The following PRR16 variants were observed in gnomAD, a reference collection of about 807,000 sequenced individuals.
The protein encoded by PRR16 is proline rich 16.
PRR16 carries 6 observed loss-of-function variants against 18.2 expected under a neutral mutation model. The observed-to-expected ratio is 0.33, with a 90% CI of 0.18 to 0.65. The LOEUF is 0.65. Among genes scored for constraint, PRR16 ranks in the 30% least tolerant of loss-of-function variants. The pLI, the probability that PRR16 is intolerant of heterozygous loss-of-function variation, is 0.74. For synonymous variants in PRR16, 151 were observed against 147.8 expected (o/e 1.02, Z -0.16); for missense variants, 412 against 376.6 (o/e 1.09, Z -0.78).
the PRR16 span, among the ~76,000 whole-genome samples, chr5:120,750,007 C>A: frequency 6.6e-6 from 1 of 152,030 alleles, no homozygotes; most frequent in African/African-American, 2.4e-5. Flanking sequence ...ATGTTTGAAG[C>A]CAGAAAAAAA....
intron 1 of PRR16, among the ~76,000 whole-genome samples, chr5:120,611,422 C>G (rs1754329076): frequency 2.6e-5 from 4 of 152,164 alleles, no homozygotes; most frequent in African/African-American, 9.7e-5. Flanking sequence ...CCTGCCATCA[C>G]AGGCCCAGAG....
At chr5:120,675,932 G>T (rs1756779381) in intron 1 of PRR16, among the ~76,000 whole-genome samples, 1 of 152,048 alleles carries the variant, frequency 6.6e-6, no homozygotes, top group African/African-American at 2.4e-5. Flanking sequence ...CAGAGAACAG[G>T]ATGTAAGTTG....
intron 1 of PRR16, among the ~76,000 whole-genome samples, chr5:120,677,541 C>T (rs1232411688): frequency 6.6e-6 from 1 of 152,140 alleles, no homozygotes; most frequent in Non-Finnish European, 1.5e-5. Flanking sequence ...GCTGATAATG[C>T]CACCATATTT....
chr5:120,775,487 T>G, the PRR16 span, among the ~76,000 whole-genome samples: 1 of 152,136 alleles, frequency 6.6e-6, no homozygotes, highest in East Asian at 1.9e-4. Context: ...CAGTTCAATA[T>G]CTCATTTTCT....
chr5:120,493,345 T>C (rs754728919), intron 1 of PRR16, among the ~76,000 whole-genome samples: 9 of 152,198 alleles, frequency 5.9e-5, no homozygotes, highest in African/African-American at 2.4e-5. Context: ...TTGTTGGCTA[T>C]TTGTAATCTT....
At chr5:120,501,955 C>CAA (rs548770948) in intron 1 of PRR16, among the ~76,000 whole-genome samples, 50 of 44,034 alleles carry the variant, frequency 1.1e-3, no homozygotes, top group Non-Finnish European at 1.3e-3. Context: ...TACTCCGTCT[C>CAA]AAAAAAAAAA....
chr5:120,535,176 T>G (rs2112672885), intron 1 of PRR16, among the ~76,000 whole-genome samples: 1 of 152,196 alleles, frequency 6.6e-6, no homozygotes, highest in East Asian at 1.9e-4. Context: ...GCATTGCAGA[T>G]TTTGGCAATA....
At chr5:120,725,857 G>T in the PRR16 span, among the ~76,000 whole-genome samples, 10 of 152,126 alleles carry the variant, frequency 6.6e-5, no homozygotes, top group South Asian at 8.3e-4. Context: ...ATGAGTGAAT[G>T]AATACTATAG....
intron 1 of PRR16, among the ~76,000 whole-genome samples, chr5:120,595,714 T>C (rs1753777893): frequency 1.3e-5 from 2 of 151,966 alleles, no homozygotes; most frequent in East Asian, 1.9e-4. Context: ...ACTCAATCAC[T>C]TTGTTCTCAG....
At chr5:120,780,312 T>C in the PRR16 span, among the ~76,000 whole-genome samples, 2 of 152,200 alleles carry the variant, frequency 1.3e-5, no homozygotes, top group Non-Finnish European at 2.9e-5. Context: ...AAATAAATGA[T>C]TTAATTAATA....
At chr5:120,679,927 C>A (rs1372801259) in intron 1 of PRR16, among the ~76,000 whole-genome samples, 1 of 151,952 alleles carries the variant, frequency 6.6e-6, no homozygotes, top group African/African-American at 2.4e-5. Flanking sequence ...ATTTAATGTA[C>A]AATATGAGGG....
chr5:120,686,847 G>A lies in PRR16; in HGVS notation c.*138G>A, dbSNP rs1189710131. The A allele has an allele frequency of 4.8e-6, 3 of 622,332 alleles. No individual in the cohort carries two copies. Among genetic ancestry groups the A allele is most frequent in the Admixed American group, 3.7e-5 (1 of 26,880 alleles). 38.6% of individuals were successfully genotyped at this position (622,332 alleles called of 1,614,324 possible). A position where few individuals can be genotyped will look rare whatever the true frequency, so the allele number is the denominator to read the frequency against. ...CAGCAAAGTGGCATAAAAATCACCT[G>A]GTAAGTATGCAGCACATTGCTTATA... is the stretch of plus-strand genomic sequence containing the variant. On this transcript the variant is annotated 3_prime_UTR_variant, in exon 2 of 2. Transcript: ENST00000407149.
At chr5:120,527,168 C>T (rs1387142103) in intron 1 of PRR16, among the ~76,000 whole-genome samples, 1 of 152,160 alleles carries the variant, frequency 6.6e-6, no homozygotes, top group East Asian at 1.9e-4. Flanking sequence ...GGCTTTGTGT[C>T]TGAGAGGCAA....
the PRR16 span, among the ~76,000 whole-genome samples, chr5:120,704,284 G>T: frequency 6.6e-6 from 1 of 152,154 alleles, no homozygotes; most frequent in Non-Finnish European, 1.5e-5. Context: ...GGGCAGCGAT[G>T]GATGGAGGGG....
intron 1 of PRR16, among the ~76,000 whole-genome samples, chr5:120,529,911 T>G (rs893879241): frequency 6.6e-6 from 1 of 151,938 alleles, no homozygotes; most frequent in African/African-American, 2.4e-5. Flanking sequence ...AGCAGGCTTT[T>G]TTTTTCTTTT....
At chr5:120,535,717 T>C (rs1751695331) in intron 1 of PRR16, among the ~76,000 whole-genome samples, 1 of 152,134 alleles carries the variant, frequency 6.6e-6, no homozygotes, top group Non-Finnish European at 1.5e-5. Flanking sequence ...TGGGAATTGC[T>C]TGAGTCTGGG....
At chr5:120,517,742 C>G (rs572373302) in intron 1 of PRR16, among the ~76,000 whole-genome samples, 4 of 152,218 alleles carry the variant, frequency 2.6e-5, no homozygotes, top group African/African-American at 9.6e-5. Flanking sequence ...GGCTTTATAT[C>G]TGTCTCAGTA....
chr5:120,714,110 T>C, the PRR16 span, among the ~76,000 whole-genome samples: 1 of 152,122 alleles, frequency 6.6e-6, no homozygotes, highest in Admixed American at 6.5e-5. Context: ...GTGCTTGATA[T>C]ATTTATAATA....
At chr5:120,481,895 T>G (rs1380534757) in intron 1 of PRR16, among the ~76,000 whole-genome samples, 1 of 152,196 alleles carries the variant, frequency 6.6e-6, no homozygotes, top group African/African-American at 2.4e-5. Context: ...GTATCTAATT[T>G]GATTTGGTCA....
Sources: allele counts gnomAD v4.1 joint callset (sites outside exome capture counted in the v4.1 genomes callset), GRCh38; gene constraint gnomAD v4.1.1; transcripts MANE v1.5; gene names NCBI Gene and HGNC (gene_info 2026-07-23, HGNC 2026-07-21).